Variants in STAB2 observed in about 807,000 individuals in gnomAD.
STAB2 encodes the protein stabilin-2.
In STAB2, 288 loss-of-function variants were observed where a neutral mutation model predicts 338.1. That is an observed-to-expected ratio of 0.85 (90% CI 0.77 to 0.94). The LOEUF is 0.94. Ranked by LOEUF, STAB2 falls within the 40% of genes least tolerant of loss-of-function variation. The pLI, the probability that STAB2 is intolerant of heterozygous loss-of-function variation, is 0.00. For synonymous variants in STAB2, 1,202 were observed against 1,193.3 expected (o/e 1.01, Z -0.15); for missense variants, 3,141 against 3,210.1 (o/e 0.98, Z 0.52).
chr12:103,715,466 G>A (rs1880233295), intron 42 of STAB2, among the ~76,000 whole-genome samples: 1 of 152,144 alleles, frequency 6.6e-6, no homozygotes, highest in Non-Finnish European at 1.5e-5. Context: ...GCAAATGATT[G>A]TTTTTAATTC....
At position 103,713,652 on chromosome 12, in the gene STAB2, CCT is replaced by C; in HGVS notation, c.4422_4423del (p.Cys1475Ter). On this transcript the variant is annotated frameshift_variant, in exon 42 of 69. Transcript: ENST00000388887. LOFTEE classifies it high-confidence loss of function. ...GTGTCATCTTCTATAGCAATCAATG[CCT>C]GTGAGATCAGCAATGGAGGTTGCTC... 1 of 1,613,896 alleles carries C rather than the reference CCT, an allele frequency of 6.2e-7. No homozygotes were observed. Among genetic ancestry groups the C allele is most frequent in the Non-Finnish European group, 8.5e-7 (1 of 1,179,834 alleles).
chr12:103,737,598 CTCTTTCTCTTTTTTTTT>C lies in STAB2; in HGVS notation c.5551-34_5551-18del. On this transcript the variant is annotated intron_variant, in intron 52 of 68. Transcript: ENST00000388887. ...TTTCTCTCTCTCTCTCTCTCTCTCT[CTCTTTCTCTTTTTTTTT>C]TTTTTTTTTCTTTCTTAGGGTGACC... is the stretch of plus-strand genomic sequence containing the variant. 8.0e-7 allele frequency: 1 copy of C among 1,253,072 alleles called. No homozygotes were observed. Among genetic ancestry groups the C allele is most frequent in the South Asian group, 1.5e-5 (1 of 65,004 alleles). 77.6% of individuals were successfully genotyped at this position (1,253,072 alleles called of 1,614,324 possible).
chr12:103,734,500 G>A (rs895199294), intron 51 of STAB2, among the ~76,000 whole-genome samples: 1 of 152,096 alleles, frequency 6.6e-6, no homozygotes. Context: ...CAGTCTCATA[G>A]GAACAAGCAT....
Position 103,730,098 on chromosome 12 carries a change from GT to G in STAB2, c.5083-13del, listed in dbSNP as rs753827461. 5.8e-6 allele frequency: 9 copies of G among 1,555,688 alleles called. No homozygotes were observed. In the Admixed American group the frequency reaches 1.8e-4, roughly 32 times the overall value. Reference sequence around the variant, plus strand: ...TTCACTTTGCACTCATTTCTTTTTTGTTTTTGGTTGATTTCAGAGCACGGTG... The same window carrying G: ...TTCACTTTGCACTCATTTCTTTTTTGTTTTGGTTGATTTCAGAGCACGGTG... On this transcript the variant is annotated splice_polypyrimidine_tract_variant and intron_variant, in intron 48 of 68. Transcript: ENST00000388887.
At chr12:103,626,642 A>G (rs1353596303) in intron 5 of STAB2, among the ~76,000 whole-genome samples, 3 of 152,246 alleles carry the variant, frequency 2.0e-5, no homozygotes, top group Admixed American at 6.5e-5. Context: ...TTTCCCACTG[A>G]CAAGGACTAT....
At chr12:103,723,717 T>C (rs548705978) in intron 44 of STAB2, among the ~76,000 whole-genome samples, 1 of 151,840 alleles carries the variant, frequency 6.6e-6, no homozygotes, top group Non-Finnish European at 1.5e-5. Flanking sequence ...TGCCAAGCCA[T>C]AGTGATGGAG....
intron 44 of STAB2, among the ~76,000 whole-genome samples, chr12:103,722,001 CT>C (rs1450659957): frequency 1.3e-5 from 2 of 152,138 alleles, no homozygotes; most frequent in African/African-American, 2.4e-5. Context: ...ACAGGTCTGT[CT>C]TTTTGTTGAG....
chr12:103,725,018 G>A lies in STAB2; in HGVS notation c.4727G>A (p.Gly1576Glu). The stretch of plus-strand genomic sequence containing the variant: ...GAATTTGCCATCTGCAACCACACTG[G>A]GCAAGTAGAAAGGACTTGTACTTGC... ...CSEFAICNHT[G>E]QVERTCTCKP... is the part of the protein sequence containing the mutation. Residue 1576 changes from glycine (G) to glutamate (E), a missense_variant, in exon 45 of 69, where the codon GGG becomes GAG. Physicochemically the swap from Gly to Glu is moderately conservative, Grantham distance 98. Transcript: ENST00000388887. 1 of 1,614,018 alleles carries A rather than the reference G, an allele frequency of 6.2e-7. No homozygotes were observed. The highest frequency in any genetic ancestry group is 1.1e-5 in the South Asian group (1 of 91,074).
chr12:103,675,762 A>C (rs1013082318), intron 23 of STAB2, among the ~76,000 whole-genome samples, 166 bp from the exon 24 acceptor site: 3 of 152,186 alleles, frequency 2.0e-5, no homozygotes, highest in Non-Finnish European at 4.4e-5. Context: ...GGTGTATCTG[A>C]TTACAGATCC....
Position 103,637,070 on chromosome 12 carries a change from T to C in STAB2, c.584-41T>C, listed in dbSNP as rs749794704. The C allele has an allele frequency of 5.1e-6, 8 of 1,560,076 alleles. No individual in the cohort carries two copies. In the South Asian group the frequency reaches 9.9e-5, roughly 19 times the overall value. Reference sequence around the variant, plus strand: ...CAGTTTGGGGGTCTTAAGAACTGGTTATTCTACTAATGCAAGTACTTCAAC... The same window carrying C: ...CAGTTTGGGGGTCTTAAGAACTGGTCATTCTACTAATGCAAGTACTTCAAC... On this transcript the variant is annotated intron_variant, in intron 6 of 68. Transcript: ENST00000388887.
intron 18 of STAB2, among the ~76,000 whole-genome samples, chr12:103,665,987 G>A (rs1593200967): frequency 3.3e-5 from 5 of 152,244 alleles, no homozygotes; most frequent in Admixed American, 3.3e-4. Flanking sequence ...CCTGCATGCA[G>A]AGAATTGATC....
At chr12:103,761,194 C>A in intron 65 of STAB2, 106 bp from the exon 66 acceptor site, 1 of 1,024,294 alleles carries the variant, frequency 9.8e-7, no homozygotes, top group Non-Finnish European at 1.5e-6. Context: ...TGGAGACAAA[C>A]CTGAAACATG....
rs1877587587 is a variant in STAB2, at chr12:103,688,064, C to T, written c.2998-104C>T. ...GACAACGAGCCTAGCCCCAGGAAGG[C>T]TGAGTGCAGGTGACCCAGAGATGCA... On this transcript the variant is annotated intron_variant, in intron 27 of 68. Transcript: ENST00000388887. The T allele has an allele frequency of 9.8e-6, 11 of 1,117,458 alleles. No homozygotes were observed. In the South Asian group the frequency reaches 1.0e-4, roughly 11 times the overall value. The allele number at this position is 1,117,458 out of a possible 1,614,324, so 69.2% of individuals were successfully genotyped here.
chr12:103,663,243 G>A lies in STAB2; in HGVS notation c.2022+245G>A, dbSNP rs1874779343. ...TGCCCAGGAATATTGGCTCCTCAGA[G>A]CTGCCATGATGAATTACCACAAACT... On this transcript the variant is annotated intron_variant, in intron 18 of 68. Transcript: ENST00000388887. Among the ~76,000 whole-genome samples, 3 of 152,174 alleles carry A rather than the reference G, an allele frequency of 2.0e-5. 1 individual carries two copies. Among genetic ancestry groups the A allele is most frequent in the Admixed American group, 2.0e-4 (3 of 15,288 alleles).
rs577680036 is a variant in STAB2 at position 103,685,474 on chromosome 12, G to A, written c.2997+390G>A. Among the ~76,000 whole-genome samples, 43 of 141,502 alleles carry A rather than the reference G, an allele frequency of 3.0e-4. No individual in the cohort carries two copies. In the South Asian group the frequency reaches 6.7e-3, roughly 22 times the overall value. The allele number at this position is 141,502 out of a possible 152,430, so 92.8% of individuals were successfully genotyped here. ...TGTGTGCGCGTGCGTGTGTGTGTGC[G>A]TGCGCGCATGTGTGTGTGTGTGTAC... On this transcript the variant is annotated intron_variant, in intron 27 of 68. Transcript: ENST00000388887.
At chr12:103,761,506 C>A in intron 66 of STAB2, 96 bp downstream of exon 66, 1 of 1,135,482 alleles carries the variant, frequency 8.8e-7, no homozygotes, top group Non-Finnish European at 1.3e-6. Context: ...CCTCCTCCCT[C>A]TTCCTCCAGA....
Position 103,749,276 on chromosome 12 carries a change from C to T in STAB2, c.6438+120C>T. On this transcript the variant is annotated intron_variant, in intron 59 of 68. Coordinates refer to ENST00000388887, the MANE Select transcript of STAB2 (RefSeq NM_017564.10). ...CTCTTCCTAAACATTTTTTCTAGCA[C>T]AGTCTGTTTCTTGTTAAAAGTCATT... 4.4e-6 allele frequency: 5 copies of T among 1,137,670 alleles called. No individual in the cohort carries two copies. In the East Asian group the frequency reaches 7.9e-5, roughly 18 times the overall value. 70.5% of individuals were successfully genotyped at this position (1,137,670 alleles called of 1,614,324 possible).
At chr12:103,668,583 C>G (rs1232151908) in intron 19 of STAB2, 60 bp from the exon 20 acceptor site, 4 of 1,416,352 alleles carry the variant, frequency 2.8e-6, no homozygotes, top group Admixed American at 2.0e-5. Flanking sequence ...AGAGGGTGTG[C>G]AGTGCCTGGA....
In STAB2 at chr12:103,594,383, T is replaced by C. The variant is rs777541911; in HGVS notation, c.216-12T>C. The C allele has an allele frequency of 2.5e-6, 4 of 1,609,086 alleles. No homozygotes were observed. The highest frequency in any genetic ancestry group is 1.7e-6 in the Non-Finnish European group (2 of 1,175,626). The stretch of plus-strand genomic sequence containing the variant: ...CTTATCGTGGGTTAATGTCCTCTCT[T>C]TACCCTCCAAGGTACACCTTTGAGG... On this transcript the variant is annotated splice_polypyrimidine_tract_variant and intron_variant, in intron 2 of 68. Coordinates refer to ENST00000388887, the MANE Select transcript of STAB2 (RefSeq NM_017564.10).
Sources: gnomAD v4.1 joint callset for allele counts (sites outside exome capture counted in the v4.1 genomes callset) on GRCh38, gnomAD v4.1.1 for gene constraint, MANE v1.5 for transcripts, NCBI Gene and HGNC (gene_info 2026-07-23, HGNC 2026-07-21) for gene names.